MAP2K5: variants seen among roughly 807,000 people sequenced by gnomAD.
MAP2K5 encodes the protein mitogen-activated protein kinase kinase 5.
Under a neutral mutation model 83.1 loss-of-function variants are expected in MAP2K5, and 49 were observed. The observed-to-expected ratio is 0.59, with a 90% confidence interval of 0.47 to 0.75. The LOEUF is 0.75. Ranked by LOEUF, MAP2K5 falls within the 30% of genes least tolerant of loss-of-function variation. The probability of loss-of-function intolerance (pLI) is 0.00; values close to 1 mark genes in which losing one functional copy is unlikely to be tolerated. For missense variants in MAP2K5, 457 were observed against 557.5 expected (o/e 0.82, Z 1.82); for synonymous variants, 202 against 191.8 (o/e 1.05, Z -0.44).
chr15:67,723,964 A>C (rs1351340910), intron 16 of MAP2K5, among the ~76,000 whole-genome samples: 3 of 152,206 alleles, frequency 2.0e-5, no homozygotes, highest in Admixed American at 2.0e-4. Context: ...TTACTCAGTA[A>C]ATTTAATTAA....
chr15:67,563,424 G>A lies in MAP2K5; in HGVS notation c.252+74G>A. ...GAGGATGCTGTTTCTTGGGCATAGT[G>A]AAGACGAGTAAATAAATCACAGTTG... On this transcript the variant is annotated intron_variant, in intron 3 of 21. Coordinates refer to ENST00000178640, the MANE Select transcript of MAP2K5 (RefSeq NM_145160.3). The surrounding 1 kb of genome is among the most constrained non-coding windows in gnomAD (Gnocchi z 4.5). The A allele has an allele frequency of 2.6e-6, 4 of 1,521,430 alleles. No homozygotes were observed. Among genetic ancestry groups the A allele is most frequent in the African/African-American group, 1.4e-5 (1 of 72,396 alleles). 94.2% of individuals were successfully genotyped at this position (1,521,430 alleles called of 1,614,324 possible). A position where few individuals can be genotyped will look rare whatever the true frequency, so the allele number is the denominator to read the frequency against.
At chr15:67,601,404 G>A (rs1324571472) in intron 8 of MAP2K5, among the ~76,000 whole-genome samples, 2 of 152,138 alleles carry the variant, frequency 1.3e-5, no homozygotes, top group Non-Finnish European at 2.9e-5. Flanking sequence ...ACTACATAAT[G>A]TAATATCTGG....
chr15:67,580,724 GA>G, intron 3 of MAP2K5, 29 bp from the exon 4 acceptor site: 1 of 1,370,892 alleles, frequency 7.3e-7, no homozygotes, highest in Non-Finnish European at 1.0e-6. Flanking sequence ...ATACATTACT[GA>G]GTGATCTCTT....
chr15:67,798,681 T>A (rs1453896304), intron 21 of MAP2K5, among the ~76,000 whole-genome samples: 1 of 152,198 alleles, frequency 6.6e-6, no homozygotes, highest in East Asian at 1.9e-4. Context: ...CTAGGATGGC[T>A]AGAGGTAAGC....
At chr15:67,568,133 A>T (rs2084879090) in intron 3 of MAP2K5, among the ~76,000 whole-genome samples, 2 of 152,146 alleles carry the variant, frequency 1.3e-5, no homozygotes, top group African/African-American at 4.8e-5. Flanking sequence ...CACTCTTTAT[A>T]TCATTTTTTC....
At chr15:67,701,076 G>C (rs188404986) in intron 15 of MAP2K5, among the ~76,000 whole-genome samples, 1 of 152,024 alleles carries the variant, frequency 6.6e-6, no homozygotes, top group Admixed American at 6.6e-5. Context: ...ACTTTTGTGT[G>C]TGTGCGTGTT....
chr15:67,716,660 T>G (rs1596846040), intron 16 of MAP2K5, among the ~76,000 whole-genome samples: 1 of 152,196 alleles, frequency 6.6e-6, no homozygotes, highest in African/African-American at 2.4e-5. Flanking sequence ...ACCACTTCTC[T>G]TAGCAGTGAG....
intron 13 of MAP2K5, among the ~76,000 whole-genome samples, chr15:67,682,849 A>AG (rs2087853665): frequency 6.7e-6 from 1 of 149,894 alleles, no homozygotes; most frequent in South Asian, 2.1e-4. Context: ...TAAAAAAAAA[A>AG]GAGTTGTAGG....
chr15:67,700,702 A>G (rs1483149495), intron 15 of MAP2K5, among the ~76,000 whole-genome samples: 1 of 152,124 alleles, frequency 6.6e-6, no homozygotes, highest in Non-Finnish European at 1.5e-5. Context: ...CACATTTCCC[A>G]ATCCCTATCC....
chr15:67,606,413 C>A (rs1040318747), intron 8 of MAP2K5, among the ~76,000 whole-genome samples: 5 of 152,104 alleles, frequency 3.3e-5, no homozygotes, highest in African/African-American at 1.2e-4. Context: ...CTCAGTGATA[C>A]AATGGGTAGT....
In MAP2K5 at chr15:67,738,303, C is replaced by T. The variant is rs1031656050; in HGVS notation, c.1075-9928C>T. 2.0e-5 allele frequency among the ~76,000 whole-genome samples: 3 copies of T among 152,240 alleles called. No homozygotes were observed. Among genetic ancestry groups the T allele is most frequent in the Non-Finnish European group, 2.9e-5 (2 of 68,038 alleles). ...GGCATAAGGCATGAGGCGACCTGGA[C>T]TCCAGGCCTAGTTGGTAAAATCCTT... On this transcript the variant is annotated intron_variant, in intron 17 of 21. Transcript: ENST00000178640. This position sits in a 1 kb window ranked among gnomAD's most constrained non-coding sequence, Gnocchi z 4.1.
chr15:67,727,346 C>A (rs1303906617), intron 16 of MAP2K5, among the ~76,000 whole-genome samples: 1 of 152,204 alleles, frequency 6.6e-6, no homozygotes, highest in Non-Finnish European at 1.5e-5. Flanking sequence ...TGGAAGCTTT[C>A]AGACTTAGAC....
At chr15:67,695,779 A>T (rs1192425898) in intron 15 of MAP2K5, among the ~76,000 whole-genome samples, 1 of 152,200 alleles carries the variant, frequency 6.6e-6, no homozygotes, top group African/African-American at 2.4e-5. Context: ...TTGTTTATGG[A>T]TGAATGTGAT....
chr15:67,789,337 G>A (rs1409193665), intron 21 of MAP2K5, among the ~76,000 whole-genome samples: 1 of 152,032 alleles, frequency 6.6e-6, no homozygotes, highest in Non-Finnish European at 1.5e-5. Flanking sequence ...TTGTATACTG[G>A]ATATGAGAAT....
intron 8 of MAP2K5, among the ~76,000 whole-genome samples, chr15:67,611,368 T>C (rs909951126): frequency 1.3e-5 from 2 of 152,252 alleles, no homozygotes; most frequent in African/African-American, 4.8e-5. Context: ...TAACTTCTTT[T>C]GGAGGTAATT....
chr15:67,751,429 G>C (rs1156570627), intron 19 of MAP2K5, among the ~76,000 whole-genome samples: 2 of 152,134 alleles, frequency 1.3e-5, no homozygotes, highest in East Asian at 1.9e-4. Context: ...CTTACCTTAA[G>C]GTCCTTATGT....
rs1399435480 is a variant in MAP2K5, at chr15:67,790,817, G to A, written c.1243-15829G>A. ...TTATAAAAGTTTCCTTAGAAAAGGAGTATGATAAGTACTGCAAAATTTAGG... is the reference window on the plus strand; with the variant it reads ...TTATAAAAGTTTCCTTAGAAAAGGAATATGATAAGTACTGCAAAATTTAGG... On this transcript the variant is annotated intron_variant, in intron 21 of 21. Transcript: ENST00000178640. The surrounding 1 kb of genome is among the most constrained non-coding windows in gnomAD (Gnocchi z 4.6). Among the ~76,000 whole-genome samples, 4 of 152,300 alleles carry A rather than the reference G, an allele frequency of 2.6e-5. No homozygotes were observed. In the East Asian group the frequency reaches 5.8e-4, roughly 22 times the overall value.
chr15:67,572,217 G>C lies in MAP2K5; in HGVS notation c.253-8537G>C, dbSNP rs2140979827. On this transcript the variant is annotated intron_variant, in intron 3 of 21. Transcript: ENST00000178640. The surrounding 1 kb of genome is among the most constrained non-coding windows in gnomAD (Gnocchi z 4.2). Reference sequence around the variant, plus strand: ...AATGCCTGGTGAGTCAGTAGGAGCTGCCTGTGATTCAGTCTGTATGGACAG... The same window carrying C: ...AATGCCTGGTGAGTCAGTAGGAGCTCCCTGTGATTCAGTCTGTATGGACAG... Among the ~76,000 whole-genome samples the C allele has an allele frequency of 6.6e-6, 1 of 152,310 alleles. No homozygotes were observed.
At chr15:67,662,563 T>C (rs887587990) in intron 12 of MAP2K5, among the ~76,000 whole-genome samples, 2 of 152,138 alleles carry the variant, frequency 1.3e-5, no homozygotes, top group Non-Finnish European at 2.9e-5. Context: ...CTCATGTGCA[T>C]ATAGGATCAG....
Sources: gnomAD v4.1 joint callset for allele counts (sites outside exome capture counted in the v4.1 genomes callset) on GRCh38, gnomAD v4.1.1 for gene constraint, Gnocchi (gnomAD v3.1) non-coding constraint, MANE v1.5 for transcripts, NCBI Gene and HGNC (gene_info 2026-07-23, HGNC 2026-07-21) for gene names.